The following GPHN variants were observed in gnomAD, a reference collection of about 807,000 sequenced individuals.
GPHN encodes the protein gephyrin.
GPHN carries 17 observed loss-of-function variants against 95.5 expected under a neutral mutation model. The observed-to-expected ratio is 0.18, with a 90% CI of 0.12 to 0.27. GPHN has a LOEUF of 0.27. GPHN is among the 10% of genes least tolerant of loss of function. The pLI is 1.00. For missense variants in GPHN, 660 were observed against 978.1 expected (o/e 0.67, Z 4.34); for synonymous variants, 320 against 322.5 (o/e 0.99, Z 0.08).
At position 66,779,555 on chromosome 14, in the gene GPHN, G is replaced by T. The variant is rs555558417; in HGVS notation, c.201+3034G>T. Among the ~76,000 whole-genome samples the T allele has an allele frequency of 5.3e-5, 8 of 152,096 alleles. No individual in the cohort carries two copies. The South Asian group carries it at 6.2e-4, about 12-fold the overall frequency. Reference sequence around the variant, plus strand: ...CCCTGTCTGATAATACAATTAAAATGTGTGTTAACTGATGAAGATAAACCA... The same window carrying T: ...CCCTGTCTGATAATACAATTAAAATTTGTGTTAACTGATGAAGATAAACCA... On this transcript the variant is annotated intron_variant, in intron 3 of 22. Coordinates refer to ENST00000478722, the MANE Select transcript of GPHN (RefSeq NM_020806.5).
intron 9 of GPHN, among the ~76,000 whole-genome samples, chr14:66,983,394 A>C (rs187966237): frequency 9.8e-5 from 15 of 152,290 alleles, no homozygotes; most frequent in African/African-American, 3.4e-4. Flanking sequence ...ACTTTTCTCT[A>C]TTTCTCAAAT....
chr14:66,684,501 AACTG>A (rs896829473), intron 2 of GPHN, among the ~76,000 whole-genome samples: 2 of 152,224 alleles, frequency 1.3e-5, no homozygotes, highest in African/African-American at 2.4e-5. Flanking sequence ...GCAGAACCTA[AACTG>A]ACTAATTCAT....
the GPHN span, chr14:67,726,007 G>A: frequency 4.8e-5 from 62 of 1,295,224 alleles, no homozygotes; most frequent in Non-Finnish European, 6.5e-5. Flanking sequence ...GGCAGCTAGG[G>A]GACTCCTTGC....
intron 1 of GPHN, among the ~76,000 whole-genome samples, chr14:66,656,100 G>A (rs532210369): frequency 1.7e-4 from 26 of 152,110 alleles, no homozygotes; most frequent in South Asian, 6.2e-4. Context: ...TTGCATCTGC[G>A]TAATATTCCC....
intron 1 of GPHN, among the ~76,000 whole-genome samples, chr14:66,623,912 T>C (rs1019972143): frequency 1.3e-5 from 2 of 152,120 alleles, no homozygotes; most frequent in African/African-American, 4.8e-5. Context: ...ATATTTCACC[T>C]CCTTGAGCGA....
chr14:66,826,298 A>G (rs144682908), intron 4 of GPHN, among the ~76,000 whole-genome samples: 1 of 152,278 alleles, frequency 6.6e-6, no homozygotes, highest in Non-Finnish European at 1.5e-5. Context: ...CAACAAGGTG[A>G]CCATAGACGG....
intron 3 of GPHN, among the ~76,000 whole-genome samples, chr14:66,791,484 A>G (rs1008758188): frequency 4.6e-5 from 7 of 152,264 alleles, no homozygotes; most frequent in Non-Finnish European, 7.3e-5. Flanking sequence ...TTTCTTGATT[A>G]TATGCTAAGT....
chr14:66,713,308 T>C (rs780149645), intron 2 of GPHN, among the ~76,000 whole-genome samples: 2 of 152,232 alleles, frequency 1.3e-5, no homozygotes, highest in Admixed American at 6.5e-5. Flanking sequence ...ATTTGATTTT[T>C]GTGTAAGGTG....
At chr14:66,638,218 G>C (rs2064205417) in intron 1 of GPHN, among the ~76,000 whole-genome samples, 1 of 152,076 alleles carries the variant, frequency 6.6e-6, no homozygotes, top group African/African-American at 2.4e-5. Context: ...TGAATCACTT[G>C]AGATCGGGAG....
chr14:67,072,046 G>A (rs2076331811), intron 11 of GPHN, among the ~76,000 whole-genome samples: 1 of 151,918 alleles, frequency 6.6e-6, no homozygotes, highest in Non-Finnish European at 1.5e-5. Flanking sequence ...ACCTCATTAT[G>A]TTTTCACATT....
At chr14:67,191,530 C>A in the GPHN span, among the ~76,000 whole-genome samples, 2 of 152,194 alleles carry the variant, frequency 1.3e-5, no homozygotes, top group Non-Finnish European at 2.9e-5. Flanking sequence ...TGGCCATGAA[C>A]ACTCAAGCTG....
intron 2 of GPHN, among the ~76,000 whole-genome samples, chr14:66,688,595 G>A (rs1220363425): frequency 6.6e-6 from 1 of 152,148 alleles, no homozygotes; most frequent in Non-Finnish European, 1.5e-5. Context: ...GAGTCTTTGA[G>A]GGGAGTCTTT....
At chr14:67,655,558 G>C in the GPHN span, among the ~76,000 whole-genome samples, 1 of 150,380 alleles carries the variant, frequency 6.6e-6, no homozygotes, top group Non-Finnish European at 1.5e-5. Context: ...TTACATAACA[G>C]TAAAGGGTTA....
chr14:66,755,933 C>G (rs1028619861), intron 2 of GPHN, among the ~76,000 whole-genome samples: 53 of 152,102 alleles, frequency 3.5e-4, no homozygotes, highest in African/African-American at 1.2e-3. Context: ...TCCTGACTTT[C>G]AAGAGTTTTC....
At chr14:66,900,512 C>A (rs2065074610) in intron 5 of GPHN, among the ~76,000 whole-genome samples, 1 of 150,734 alleles carries the variant, frequency 6.6e-6, no homozygotes, top group Non-Finnish European at 1.5e-5. Context: ...TCATATGTGC[C>A]CATCAATCAA....
chr14:67,652,816 C>T, the GPHN span, among the ~76,000 whole-genome samples: 1 of 151,694 alleles, frequency 6.6e-6, no homozygotes, highest in Non-Finnish European at 1.5e-5. Flanking sequence ...TTTTTTGAGA[C>T]GGAGTCTCGC....
chr14:67,215,402 T>A, the GPHN span, among the ~76,000 whole-genome samples: 2 of 138,830 alleles, frequency 1.4e-5, no homozygotes. Context: ...AACACTGATC[T>A]ATTGTTTTTT....
intron 2 of GPHN, among the ~76,000 whole-genome samples, chr14:66,758,781 T>G (rs2058661408): frequency 6.6e-6 from 1 of 152,182 alleles, no homozygotes; most frequent in South Asian, 2.1e-4. Context: ...ATTTGCAGGA[T>G]AATTGCCCAG....
chr14:67,727,462 G>A, the GPHN span: 1 of 393,516 alleles, frequency 2.5e-6, no homozygotes, highest in Non-Finnish European at 4.7e-6. Flanking sequence ...TTTTGCAACA[G>A]ACAGAGGCTT....
Sources: allele counts gnomAD v4.1 joint callset (sites outside exome capture counted in the v4.1 genomes callset), GRCh38; gene constraint gnomAD v4.1.1; transcripts MANE v1.5; gene names NCBI Gene and HGNC (gene_info 2026-07-23, HGNC 2026-07-21).